Variants in FXR2 observed in about 807,000 individuals in gnomAD.
FXR2 encodes FMR1 autosomal homolog 2, also known as RNA-binding protein FXR2.
In FXR2, 9 loss-of-function variants were observed where a neutral mutation model predicts 87.3. That is an observed-to-expected ratio of 0.10 (90% CI 0.06 to 0.18). The LOEUF is 0.18. FXR2 is among the 10% of genes least tolerant of loss of function. The pLI is 1.00. For missense variants in FXR2, 661 were observed against 893.6 expected (o/e 0.74, Z 3.32); for synonymous variants, 331 against 328.3 (o/e 1.01, Z -0.09).
At chr17:7,604,139 G>C in intron 3 of FXR2, 59 bp from the exon 4 acceptor site, 3 of 1,304,498 alleles carry the variant, frequency 2.3e-6, no homozygotes, top group South Asian at 2.5e-5. Flanking sequence ...ATCAAGAAAG[G>C]GATGAGGAGG....
chr17:7,607,579 C>T (rs879682078), intron 1 of FXR2, among the ~76,000 whole-genome samples: 2 of 151,820 alleles, frequency 1.3e-5, no homozygotes, highest in Non-Finnish European at 2.9e-5. Context: ...AGGCAACCGC[C>T]ACCACACCAG....
Position 7,612,724 on chromosome 17 carries a change from C to A in FXR2, c.81+1728G>T, listed in dbSNP as rs907933809. Among the ~76,000 whole-genome samples, 8 of 151,906 alleles carry A rather than the reference C, an allele frequency of 5.3e-5. No homozygotes were observed. The East Asian group carries it at 1.5e-3, about 29-fold the overall frequency. ...AAAAAATGACTACAATGGCCGGGCGCGGTGGCTCACGCCTGTAATCCCAGC... is the reference window on the plus strand; with the variant it reads ...AAAAAATGACTACAATGGCCGGGCGAGGTGGCTCACGCCTGTAATCCCAGC... On this transcript the variant is annotated intron_variant, in intron 1 of 16. Coordinates refer to ENST00000250113, the MANE Select transcript of FXR2 (RefSeq NM_004860.4).
rs978583552 is a variant in FXR2 at position 7,593,262 on chromosome 17, CCTT to C, written c.1331-84_1331-82del. Reference sequence around the variant, plus strand: ...ACATCCCCCAAACTGGAAGAATTCTCCTTCTCACTCACAAGCCTCCCAGCCAAT... The same window carrying C: ...ACATCCCCCAAACTGGAAGAATTCTCCTCACTCACAAGCCTCCCAGCCAAT... On this transcript the variant is annotated intron_variant, in intron 12 of 16. Coordinates refer to ENST00000250113, the MANE Select transcript of FXR2 (RefSeq NM_004860.4). This position sits in a 1 kb window ranked among gnomAD's most constrained non-coding sequence, Gnocchi z 6.1. The C allele has an allele frequency of 1.3e-4, 158 of 1,262,014 alleles. 1 individual carries two copies. The South Asian group carries it at 2.0e-3, about 16-fold the overall frequency. 78.2% of individuals were successfully genotyped at this position (1,262,014 alleles called of 1,614,324 possible). A position where few individuals can be genotyped will look rare whatever the true frequency, so the allele number is the denominator to read the frequency against.
chr17:7,601,941 T>C (rs1597876040), intron 6 of FXR2, among the ~76,000 whole-genome samples: 1 of 150,358 alleles, frequency 6.7e-6, no homozygotes, highest in African/African-American at 2.4e-5. Context: ...AAAAAAGAAA[T>C]GAAGCTAGGA....
rs564379601 is a variant in FXR2, at chr17:7,598,311, C to T, written c.661-2317G>A. 3.9e-5 allele frequency among the ~76,000 whole-genome samples: 6 copies of T among 152,118 alleles called. 1 individual carries two copies. Among genetic ancestry groups the T allele is most frequent in the African/African-American group, 1.4e-4 (6 of 41,494 alleles). On this transcript the variant is annotated intron_variant, in intron 7 of 16. Coordinates refer to ENST00000250113, the MANE Select transcript of FXR2 (RefSeq NM_004860.4). The stretch of plus-strand genomic sequence containing the variant: ...TAAAAAAAAATACAAAAAAATCAGC[C>T]GGGCGTGGTGGCAGGCGCCTGTAGT...
chr17:7,607,186 T>G (rs1332980383), intron 1 of FXR2, among the ~76,000 whole-genome samples: 3 of 151,720 alleles, frequency 2.0e-5, no homozygotes, highest in Non-Finnish European at 4.4e-5. Flanking sequence ...GGTGTGGTGG[T>G]GCATGTCTGT....
intron 1 of FXR2, among the ~76,000 whole-genome samples, chr17:7,612,653 C>A (rs765618750): frequency 5.9e-5 from 9 of 151,990 alleles, no homozygotes; most frequent in Non-Finnish European, 1.0e-4. Context: ...AGAAATAAAT[C>A]TGATGAGGGA....
Position 7,606,089 on chromosome 17 carries a change from G to A in FXR2, c.134+8C>T. The A allele has an allele frequency of 6.6e-7, 1 of 1,509,302 alleles. No individual in the cohort carries two copies. The highest frequency in any genetic ancestry group is 1.2e-5 in the South Asian group (1 of 83,192). 93.5% of individuals were successfully genotyped at this position (1,509,302 alleles called of 1,614,324 possible). The stretch of plus-strand genomic sequence containing the variant: ...AGTATGCTGGATTCTCTATTCCCAA[G>A]GTCTTACTTGTTTTCAAAGAAGATG... On this transcript the variant is annotated splice_region_variant and intron_variant, in intron 2 of 16. Transcript: ENST00000250113.
In FXR2 at chr17:7,605,841, G is replaced by A; in HGVS notation, c.135-103C>T. The A allele has an allele frequency of 4.0e-6, 3 of 744,670 alleles. No homozygotes were observed. The South Asian group carries it at 4.7e-5, about 12-fold the overall frequency. The allele number at this position is 744,670 out of a possible 1,614,324, so 46.1% of individuals were successfully genotyped here. A position where few individuals can be genotyped will look rare whatever the true frequency, so the allele number is the denominator to read the frequency against. On this transcript the variant is annotated intron_variant, in intron 2 of 16. Transcript: ENST00000250113. ...TCAGCTGGGCGAGTTCCACCTATCT[G>A]GATAATTAGAGGCTAAACCCCAGGC...
intron 7 of FXR2, among the ~76,000 whole-genome samples, chr17:7,600,013 T>C (rs1173029257): frequency 1.3e-5 from 2 of 151,536 alleles, no homozygotes; most frequent in Admixed American, 6.6e-5. Context: ...TTCTCCTGCC[T>C]CAGCCTCCCG....
At chr17:7,613,028 A>G (rs1018036378) in intron 1 of FXR2, among the ~76,000 whole-genome samples, 1 of 149,968 alleles carries the variant, frequency 6.7e-6, no homozygotes, top group Non-Finnish European at 1.5e-5. Flanking sequence ...AAAAATGACT[A>G]CAATGCACTT....
intron 1 of FXR2, among the ~76,000 whole-genome samples, chr17:7,613,414 TG>T (rs753524083): frequency 4.6e-5 from 7 of 151,842 alleles, no homozygotes; most frequent in Admixed American, 2.0e-4. Flanking sequence ...TTAATCTAAA[TG>T]GGAAAAAAAT....
intron 1 of FXR2, among the ~76,000 whole-genome samples, chr17:7,607,324 A>G (rs977284916): frequency 2.0e-5 from 3 of 151,888 alleles, no homozygotes; most frequent in African/African-American, 7.2e-5. Flanking sequence ...ATCTCAAAAA[A>G]AAAAAAAAGA....
At position 7,603,541 on chromosome 17, in the gene FXR2, A is replaced by G. The variant is rs530661612; in HGVS notation, c.449+216T>C. 8.7e-3 allele frequency among the ~76,000 whole-genome samples: 1,326 copies of G among 151,734 alleles called. 21 individuals carry two copies. Among genetic ancestry groups the G allele is most frequent in the African/African-American group, 0.03 (1,225 of 41,382 alleles). On this transcript the variant is annotated intron_variant, in intron 5 of 16. Coordinates refer to ENST00000250113, the MANE Select transcript of FXR2 (RefSeq NM_004860.4). ...AAACTCTGTCTCCAAAAAAAAAAAA[A>G]AAAGAAAGAAAGGAAAAGAAAAGAA...
intron 3 of FXR2, 32 bp from the exon 4 acceptor site, chr17:7,604,112 G>A: frequency 6.7e-7 from 1 of 1,482,500 alleles, no homozygotes; most frequent in East Asian, 2.5e-5. Context: ...AAGAGATATT[G>A]AAGACCACCC....
Position 7,595,582 on chromosome 17 carries a change from G to A in FXR2, c.831+242C>T, listed in dbSNP as rs757937997. 1.3e-5 allele frequency among the ~76,000 whole-genome samples: 2 copies of A among 152,046 alleles called. No homozygotes were observed. The highest frequency in any genetic ancestry group is 2.9e-5 in the Non-Finnish European group (2 of 68,020). On this transcript the variant is annotated intron_variant, in intron 8 of 16. Transcript: ENST00000250113. This position sits in a 1 kb window ranked among gnomAD's most constrained non-coding sequence, Gnocchi z 4.7. ...TCCCATTTCAGCCTCCCAAGTACCTGCGACTACAGGTACGCACCACTACTT... is the reference window on the plus strand; with the variant it reads ...TCCCATTTCAGCCTCCCAAGTACCTACGACTACAGGTACGCACCACTACTT...
chr17:7,606,332 G>C (rs983569896), intron 1 of FXR2, among the ~76,000 whole-genome samples, 183 bp from the exon 2 acceptor site: 2 of 152,160 alleles, frequency 1.3e-5, no homozygotes, highest in African/African-American at 4.8e-5. Flanking sequence ...AACAGAGAAA[G>C]GAAATGATAT....
At chr17:7,610,007 T>TATATATATACATGCATATGTATAC (rs1567754049) in intron 1 of FXR2, among the ~76,000 whole-genome samples, 1,771 of 74,126 alleles carry the variant, frequency 0.024, 93 homozygotes, top group South Asian at 0.034. Flanking sequence ...TATGTATACA[T>TATATATATACATGCATATGTATAC]ATATATATAC....
chr17:7,598,569 A>G lies in FXR2; in HGVS notation c.661-2575T>C, dbSNP rs533720776. ...CCTCAGCCTACCGTACATGTCTTAC[A>G]TGATCTACTCTCTGACCGAATTTTG... On this transcript the variant is annotated intron_variant, in intron 7 of 16. Transcript: ENST00000250113. 2.0e-5 allele frequency among the ~76,000 whole-genome samples: 3 copies of G among 152,312 alleles called. No individual in the cohort carries two copies. The East Asian group carries it at 5.8e-4, about 29-fold the overall frequency.
Sources: allele counts gnomAD v4.1 joint callset (sites outside exome capture counted in the v4.1 genomes callset), GRCh38; gene constraint gnomAD v4.1.1; non-coding constraint Gnocchi (gnomAD v3.1); transcripts MANE v1.5; gene names NCBI Gene and HGNC (gene_info 2026-07-23, HGNC 2026-07-21).